MAN2B1: variants seen among roughly 807,000 people sequenced by gnomAD.
The protein encoded by MAN2B1 is lysosomal alpha-mannosidase.
A neutral mutation model predicts 127.5 loss-of-function variants in MAN2B1; 99 were observed. The ratio of observed to expected loss-of-function variants is 0.78; its 90% CI spans 0.66 to 0.92. MAN2B1 has a LOEUF of 0.92. Ranked by LOEUF, MAN2B1 falls within the 40% of genes least tolerant of loss-of-function variation. The pLI is 0.00. For missense variants in MAN2B1, 1,304 were observed against 1,384.8 expected (o/e 0.94, Z 0.93); for synonymous variants, 573 against 568.8 (o/e 1.01, Z -0.11).
At chr19:12,649,046 G>A in intron 20 of MAN2B1, 90 bp downstream of exon 20, 1 of 1,089,220 alleles carries the variant, frequency 9.2e-7, no homozygotes, top group Non-Finnish European at 1.4e-6. Flanking sequence ...GGGCCTGAAA[G>A]CAGAGAACTG....
Position 12,652,409 on chromosome 19 carries a change from T to C in MAN2B1, c.1882A>G (p.Asn628Asp). 1.2e-6 allele frequency: 2 copies of C among 1,614,148 alleles called. No homozygotes were observed. Among genetic ancestry groups the C allele is most frequent in the Non-Finnish European group, 1.7e-6 (2 of 1,180,042 alleles). The change falls in exon 15 of 24, where the codon AAC (asparagine) becomes GAC (aspartate). Residue 628 changes from asparagine to aspartate, a missense_variant. Coordinates refer to ENST00000456935, the MANE Select transcript of MAN2B1 (RefSeq NM_000528.4). ...GGCAGCAGGAGTTGCTGATTCATGT[T>C]CATAATCTCCATCAACAGCCCTGTG... ...PDTGLLMEIM[N>D]MNQQLLLPVR...
At chr19:12,661,522 AAGT>A in intron 6 of MAN2B1, 146 bp from the exon 7 acceptor site, 1 of 716,662 alleles carries the variant, frequency 1.4e-6, no homozygotes, top group South Asian at 1.4e-5. Context: ...ACACAGATAA[AAGT>A]AGCCACCAGT....
chr19:12,662,721 G>A (rs2024136681), intron 6 of MAN2B1, among the ~76,000 whole-genome samples: 1 of 151,988 alleles, frequency 6.6e-6, no homozygotes, highest in Non-Finnish European at 1.5e-5. Context: ...GTTGAGGCGG[G>A]CAGATCACCT....
rs117843968 is a variant in MAN2B1 at position 12,663,723 on chromosome 19, G to A, written c.743C>T (p.Pro248Leu). 4.3e-3 allele frequency: 7,002 copies of A among 1,612,812 alleles called. 28 individuals are homozygous for A. Among genetic ancestry groups the A allele is most frequent in the Non-Finnish European group, 5.4e-3 (6,370 of 1,179,588 alleles). ...VWRASTSLKP[P>L]TADLFTGVLP... Reference sequence around the variant, plus strand: ...CCTACCAGTGAAGAGGTCCGCGGTCGGGGGCTTCAGGCTGGTGCTGGCCCG... The same window carrying A: ...CCTACCAGTGAAGAGGTCCGCGGTCAGGGGCTTCAGGCTGGTGCTGGCCCG... The change falls in exon 5 of 24, where the codon CCG (proline) becomes CTG (leucine). Residue 248 changes from proline to leucine, a missense_variant. Transcript: ENST00000456935.
At chr19:12,652,125 T>G in intron 16 of MAN2B1, 28 bp downstream of exon 16, 1 of 1,558,868 alleles carries the variant, frequency 6.4e-7, no homozygotes, top group Non-Finnish European at 8.9e-7. Flanking sequence ...CATTCCCAAC[T>G]GCCCACTCAT....
intron 4 of MAN2B1, 24 bp from the exon 5 acceptor site, chr19:12,663,859 A>C (rs745334322): frequency 1.9e-6 from 3 of 1,614,020 alleles, no homozygotes; most frequent in Non-Finnish European, 2.5e-6. Context: ...AGGAAAAGGC[A>C]GTGTGAATTA....
chr19:12,655,620 A>G, intron 14 of MAN2B1, 74 bp downstream of exon 14: 1 of 1,479,508 alleles, frequency 6.8e-7, no homozygotes, highest in South Asian at 1.3e-5. Context: ...CTGCTGACCC[A>G]GAGTCCACAC....
At chr19:12,665,225 T>G in intron 3 of MAN2B1, 127 bp downstream of exon 3, 1 of 1,251,274 alleles carries the variant, frequency 8.0e-7, no homozygotes, top group South Asian at 1.2e-5. Flanking sequence ...AAATGGAGAG[T>G]CCAGGCAGGC....
intron 13 of MAN2B1, 108 bp downstream of exon 13, chr19:12,656,463 G>A: frequency 3.9e-6 from 3 of 769,796 alleles, no homozygotes; most frequent in South Asian, 1.5e-5. Context: ...GAAGAGATAT[G>A]CATGAGTGGG....
rs1239653540 is a variant in MAN2B1, at chr19:12,646,745, AG to A, written c.2924-14del. On this transcript the variant is annotated splice_polypyrimidine_tract_variant and intron_variant, in intron 23 of 23. Transcript: ENST00000456935. Reference sequence around the variant, plus strand: ...TGGGGTGTGGGGCCTGGAGAGGTGCAGGGGGAAGGAGGAGTGAGGAGGTGCA... The same window carrying A: ...TGGGGTGTGGGGCCTGGAGAGGTGCAGGGGAAGGAGGAGTGAGGAGGTGCA... The A allele has an allele frequency of 6.3e-7, 1 of 1,576,454 alleles. No individual in the cohort carries two copies. Among genetic ancestry groups the A allele is most frequent in the South Asian group, 1.1e-5 (1 of 90,352 alleles).
intron 4 of MAN2B1, among the ~76,000 whole-genome samples, chr19:12,664,320 C>G (rs1420630797): frequency 6.6e-6 from 1 of 152,206 alleles, no homozygotes; most frequent in Non-Finnish European, 1.5e-5. Context: ...CTTGGGCTAG[C>G]AGGGAGAGGG....
At position 12,647,562 on chromosome 19, in the gene MAN2B1, G is replaced by T. The variant is rs200033151; in HGVS notation, c.2701C>A (p.His901Asn). The T allele has an allele frequency of 4.5e-4, 719 of 1,613,984 alleles. No individual in the cohort carries two copies. Among genetic ancestry groups the T allele is most frequent in the Non-Finnish European group, 5.6e-4 (666 of 1,179,990 alleles). Residue 901 changes from histidine (H) to asparagine (N), a missense_variant, in exon 22 of 24, where the codon CAC (histidine) becomes AAC (asparagine). Coordinates refer to ENST00000456935, the MANE Select transcript of MAN2B1 (RefSeq NM_000528.4). This position sits in a 1 kb window ranked among gnomAD's most constrained non-coding sequence, Gnocchi z 4.9. The stretch of plus-strand genomic sequence containing the variant: ...CCCCAGCTGGCCAGCGTGAGCAGGT[G>T]CACCGAGGGCGGCAGGTCCCTGCGC... ...GLRRDLPPSV[H>N]LLTLASWGPE... is the part of the protein sequence containing the mutation.
At chr19:12,661,092 AATG>A (rs1278654126) in intron 7 of MAN2B1, 165 bp downstream of exon 7, 2 of 633,854 alleles carry the variant, frequency 3.2e-6, no homozygotes, top group Non-Finnish European at 5.9e-6. Flanking sequence ...ACTGTAAGAC[AATG>A]TATTTCTGTT....
chr19:12,646,617 G>C lies in MAN2B1; in HGVS notation c.*3C>G. On this transcript the variant is annotated 3_prime_UTR_variant, in exon 24 of 24. Coordinates refer to ENST00000456935, the MANE Select transcript of MAN2B1 (RefSeq NM_000528.4). Reference sequence around the variant, plus strand: ...TGGGCTTGGAGGGCCCATCCCAGCAGACCTAACCATCCACCTCCTTCCATT... The same window carrying C: ...TGGGCTTGGAGGGCCCATCCCAGCACACCTAACCATCCACCTCCTTCCATT... The C allele has an allele frequency of 6.2e-7, 1 of 1,606,886 alleles. No individual in the cohort carries two copies. Among genetic ancestry groups the C allele is most frequent in the Non-Finnish European group, 8.5e-7 (1 of 1,173,428 alleles).
chr19:12,661,969 C>T (rs1349244595), intron 6 of MAN2B1, among the ~76,000 whole-genome samples: 1 of 152,088 alleles, frequency 6.6e-6, no homozygotes, highest in Non-Finnish European at 1.5e-5. Context: ...CTTAGCCTCC[C>T]AAGTAGCTGG....
intron 5 of MAN2B1, 40 bp downstream of exon 5, chr19:12,663,663 G>A (rs537628361): frequency 6.3e-7 from 1 of 1,583,580 alleles, no homozygotes; most frequent in South Asian, 1.1e-5. Flanking sequence ...TTCTGAGTGT[G>A]TGGCACCATG....
At chr19:12,648,525 G>A (rs2023758706) in intron 20 of MAN2B1, 123 bp from the exon 21 acceptor site, 1 of 751,542 alleles carries the variant, frequency 1.3e-6, no homozygotes, top group East Asian at 2.7e-5. Flanking sequence ...AACGGATGAG[G>A]ATGAAGGTGA....
In MAN2B1 at chr19:12,649,327, T is replaced by TG; in HGVS notation, c.2355+13dup. Reference sequence around the variant, plus strand: ...TCTATCGAGGTGGGGAGGTGCAGGATGGGGGAGAGCTACCGTGATGTAAAT... The same window carrying TG: ...TCTATCGAGGTGGGGAGGTGCAGGATGGGGGGAGAGCTACCGTGATGTAAAT... On this transcript the variant is annotated intron_variant, in intron 19 of 23. Coordinates refer to ENST00000456935, the MANE Select transcript of MAN2B1 (RefSeq NM_000528.4). 1 of 1,610,960 alleles carries TG rather than the reference T, an allele frequency of 6.2e-7. No individual in the cohort carries two copies. Among genetic ancestry groups the TG allele is most frequent in the Non-Finnish European group, 8.5e-7 (1 of 1,177,544 alleles).
At chr19:12,655,553 C>T (rs2023934497) in intron 14 of MAN2B1, 141 bp downstream of exon 14, 1 of 826,998 alleles carries the variant, frequency 1.2e-6, no homozygotes, top group Non-Finnish European at 1.9e-6. Flanking sequence ...ACAAAGGTCA[C>T]TTGCTCAAGG....
Sources: gnomAD v4.1 joint callset for allele counts (sites outside exome capture counted in the v4.1 genomes callset) on GRCh38, gnomAD v4.1.1 for gene constraint, Gnocchi (gnomAD v3.1) non-coding constraint, MANE v1.5 for transcripts, NCBI Gene and HGNC (gene_info 2026-07-23, HGNC 2026-07-21) for gene names.